CACNA1G: variants seen among roughly 807,000 people sequenced by gnomAD.
The protein encoded by CACNA1G is calcium voltage-gated channel subunit alpha1 G.
Under a neutral mutation model 219.4 loss-of-function variants are expected in CACNA1G, and 67 were observed. The ratio of observed to expected loss-of-function variants is 0.31; its 90% confidence interval spans 0.25 to 0.37. The LOEUF is 0.37. Among genes scored for constraint, CACNA1G ranks in the 10% least tolerant of loss-of-function variants. The pLI, the probability that CACNA1G is intolerant of heterozygous loss-of-function variation, is 1.00. For synonymous variants in CACNA1G, 1,296 were observed against 1,345.3 expected (o/e 0.96, Z 0.80); for missense variants, 2,380 against 3,231.4 (o/e 0.74, Z 6.39).
rs1033654005 is a variant in CACNA1G, at chr17:50,617,820, C to G, written c.5156-39C>G. The G allele has an allele frequency of 6.2e-7, 1 of 1,606,312 alleles. No homozygotes were observed. The highest frequency in any genetic ancestry group is 8.5e-7 in the Non-Finnish European group (1 of 1,175,520). On this transcript the variant is annotated intron_variant, in intron 29 of 37. Transcript: ENST00000359106. This position sits in a 1 kb window ranked among gnomAD's most constrained non-coding sequence, Gnocchi z 5.8. Reference sequence around the variant, plus strand: ...ACTCTGCCAGCTGTCTGGCCGGGGACCCAAAGAGGCCAGCTCATGACGTTG... The same window carrying G: ...ACTCTGCCAGCTGTCTGGCCGGGGAGCCAAAGAGGCCAGCTCATGACGTTG...
intron 16 of CACNA1G, among the ~76,000 whole-genome samples, chr17:50,597,223 T>C (rs1351653131): frequency 6.6e-6 from 1 of 152,198 alleles, no homozygotes; most frequent in Non-Finnish European, 1.5e-5. Context: ...GGGGTGTCCA[T>C]ACCTCCTCAA....
At chr17:50,569,849 G>A in intron 4 of CACNA1G, 46 bp downstream of exon 4, 1 of 1,424,898 alleles carries the variant, frequency 7.0e-7, no homozygotes, top group Non-Finnish European at 9.6e-7. Flanking sequence ...GCCCCAGGAG[G>A]AAATGTGGAA....
chr17:50,583,081 G>C (rs2042277588), intron 9 of CACNA1G, among the ~76,000 whole-genome samples: 1 of 152,208 alleles, frequency 6.6e-6, no homozygotes, highest in African/African-American at 2.4e-5. Flanking sequence ...CTGAAGGCTG[G>C]GGACCCTCTC....
intron 23 of CACNA1G, chr17:50,606,501 T>C: frequency 7.0e-6 from 4 of 572,548 alleles, no homozygotes; most frequent in Non-Finnish European, 1.2e-5. Context: ...TGTGTATATT[T>C]CTTTAACATG....
chr17:50,599,930 A>G, intron 17 of CACNA1G, 71 bp downstream of exon 17: 3 of 1,431,426 alleles, frequency 2.1e-6, no homozygotes, highest in Non-Finnish European at 2.8e-6. Context: ...CTGGCCTGGC[A>G]GGGTATAAGG....
intron 36 of CACNA1G, 87 bp from the exon 37 acceptor site, chr17:50,624,273 G>A (rs767406150): frequency 1.0e-5 from 13 of 1,299,774 alleles, no homozygotes; most frequent in Non-Finnish European, 1.4e-5. Flanking sequence ...GAGAGTGGAA[G>A]GGAGGGCTCA....
intron 34 of CACNA1G, among the ~76,000 whole-genome samples, chr17:50,620,392 G>C (rs901836250): frequency 6.6e-6 from 1 of 152,238 alleles, no homozygotes; most frequent in Non-Finnish European, 1.5e-5. Context: ...AGCTGGGAGT[G>C]GATTTTGAGA....
rs757063626 is a variant in CACNA1G, at chr17:50,590,542, G to A, written c.2373G>A (p.Leu791=). The A allele has an allele frequency of 3.7e-6, 6 of 1,613,854 alleles. No homozygotes were observed. Among genetic ancestry groups the A allele is most frequent in the Middle Eastern group, 1.6e-4 (1 of 6,082 alleles). Residue 791 remains leucine, a synonymous_variant, in exon 10 of 38, where the codon CTG becomes CTA. Transcript: ENST00000359106. The part of the protein sequence containing the change: ...VFTSLFALEM[L]LKLLVYGPFG... ...CCAGCCTCTTTGCCCTGGAGATGCT[G>A]CTGAAGCTGCTTGTGTATGGTCCCT...
chr17:50,590,708 T>A, intron 10 of CACNA1G, 86 bp downstream of exon 10: 2 of 1,338,600 alleles, frequency 1.5e-6, no homozygotes, highest in Non-Finnish European at 2.1e-6. Context: ...CCTATTCCCC[T>A]GGGGTGGAGG....
At chr17:50,625,964 A>G (rs2053694531) in intron 37 of CACNA1G, 53 bp from the exon 38 acceptor site, 1 of 1,542,784 alleles carries the variant, frequency 6.5e-7, no homozygotes, top group Non-Finnish European at 8.8e-7. Context: ...CAGGAGGGCT[A>G]GTCCATGCTG....
At chr17:50,562,591 TG>T (rs1280633108) in intron 1 of CACNA1G, among the ~76,000 whole-genome samples, 1 of 152,024 alleles carries the variant, frequency 6.6e-6, no homozygotes, top group Non-Finnish European at 1.5e-5. Context: ...TTTTAGCAAG[TG>T]GGGGATGGGG....
chr17:50,606,534 C>T, intron 23 of CACNA1G: 1 of 554,534 alleles, frequency 1.8e-6, no homozygotes, highest in South Asian at 2.3e-5. Context: ...GATATATTGT[C>T]AAGATAATTC....
At chr17:50,601,021 C>T (rs373435205) in intron 18 of CACNA1G, 30 bp from the exon 19 acceptor site, 2 of 1,609,182 alleles carry the variant, frequency 1.2e-6, no homozygotes, top group East Asian at 2.2e-5. Flanking sequence ...CTGCCTCCCC[C>T]TCTCAGCCGT....
intron 14 of CACNA1G, among the ~76,000 whole-genome samples, chr17:50,595,679 G>A (rs1241462465): frequency 6.6e-6 from 1 of 152,280 alleles, no homozygotes; most frequent in Non-Finnish European, 1.5e-5. Flanking sequence ...GCCCCACGAT[G>A]AGCCTGTGCT....
At chr17:50,569,882 CTG>C in intron 4 of CACNA1G, 79 bp downstream of exon 4, 1 of 1,101,732 alleles carries the variant, frequency 9.1e-7, no homozygotes, top group African/African-American at 1.5e-5. Flanking sequence ...ACCTCTACTA[CTG>C]TGTCCTCACC....
At chr17:50,607,292 C>T in intron 24 of CACNA1G, 2 of 412,880 alleles carry the variant, frequency 4.8e-6, no homozygotes. Flanking sequence ...TCACTTGAGG[C>T]CAGGAGTTGG....
Position 50,618,505 on chromosome 17 carries a change from C to G in CACNA1G, c.5428-150C>G, listed in dbSNP as rs1039946649. ...TCTCCCAGGAACATGCTCTGACTCACACTTGTAGTGCTCCTCTGCCCCCAA... is the reference window on the plus strand; with the variant it reads ...TCTCCCAGGAACATGCTCTGACTCAGACTTGTAGTGCTCCTCTGCCCCCAA... On this transcript the variant is annotated intron_variant, in intron 32 of 37. Transcript: ENST00000359106. The surrounding 1 kb of genome is among the most constrained non-coding windows in gnomAD (Gnocchi z 5.3). The G allele has an allele frequency of 9.3e-7, 1 of 1,076,352 alleles. No homozygotes were observed. Among genetic ancestry groups the G allele is most frequent in the East Asian group, 2.4e-5 (1 of 41,216 alleles). The allele number at this position is 1,076,352 out of a possible 1,614,324, so 66.7% of individuals were successfully genotyped here.
chr17:50,617,916 A>G lies in CACNA1G; in HGVS notation c.5213A>G (p.Gln1738Arg), dbSNP rs1598741381. Residue 1738 changes from glutamine to arginine, a missense_variant, in exon 30 of 38, where the codon CAG becomes CGG. By Grantham distance (43) the Gln-to-Arg change is conservative. Around this residue, in one of 17 missense-constraint regions of CACNA1G, gnomAD observed 123 missense variants for 258.4 expected, o/e 0.48. Coordinates refer to ENST00000359106, the MANE Select transcript of CACNA1G (RefSeq NM_018896.5). The surrounding 1 kb of genome is among the most constrained non-coding windows in gnomAD (Gnocchi z 5.8). ...CGGGCGCTGCTGGACACGGTGATGC[A>G]GGCCCTGCCCCAGGTAGCCGGGAGG... ...GMRALLDTVM[Q>R]ALPQVGNLGL... 1 of 1,613,736 alleles carries G rather than the reference A, an allele frequency of 6.2e-7. No homozygotes were observed. The highest frequency in any genetic ancestry group is 8.5e-7 in the Non-Finnish European group (1 of 1,179,842).
Position 50,624,391 on chromosome 17 carries a change from A to G in CACNA1G, c.6261A>G (p.Ala2087=), listed in dbSNP as rs1423137969. 3 of 1,388,442 alleles carry G rather than the reference A, an allele frequency of 2.2e-6. No individual in the cohort carries two copies. The highest frequency in any genetic ancestry group is 8.0e-5 in the East Asian group (2 of 25,134). 86.0% of individuals were successfully genotyped at this position (1,388,442 alleles called of 1,614,324 possible). A position where few individuals can be genotyped will look rare whatever the true frequency, so the allele number is the denominator to read the frequency against. ...GSVLSVHSQP[A]DTSYILQLPK... is the part of the protein sequence containing the mutation. ...TCTTGTCCGTTCACTCCCAGCCAGC[A>G]GATACCAGCTACATCCTGCAGCTTC... Residue 2087 remains alanine, a synonymous_variant, in exon 37 of 38, where the codon GCA becomes GCG. Coordinates refer to ENST00000359106, the MANE Select transcript of CACNA1G (RefSeq NM_018896.5).
Sources: gnomAD v4.1 joint callset for allele counts (sites outside exome capture counted in the v4.1 genomes callset) on GRCh38, gnomAD v4.1.1 for gene constraint, gnomAD v4.1.1 regional missense constraint, Gnocchi (gnomAD v3.1) non-coding constraint, MANE v1.5 for transcripts, NCBI Gene and HGNC (gene_info 2026-07-23, HGNC 2026-07-21) for gene names.